ATP8B1: variants seen among roughly 807,000 people sequenced by gnomAD.
The protein encoded by ATP8B1 is ATPase phospholipid transporting 8B1, also known as phospholipid-transporting ATPase IC.
ATP8B1 carries 80 observed loss-of-function variants against 149.9 expected under a neutral mutation model. The observed-to-expected ratio is 0.53, with a 90% confidence interval of 0.45 to 0.64. The LOEUF is 0.64. ATP8B1 is among the 30% of genes least tolerant of loss of function. The pLI is 0.00. For missense variants in ATP8B1, 1,247 were observed against 1,552.6 expected (o/e 0.80, Z 3.31); for synonymous variants, 536 against 562.8 (o/e 0.95, Z 0.67).
intron 13 of ATP8B1, 85 bp from the exon 14 acceptor site, chr18:57,685,200 G>A (rs1391693770): frequency 1.4e-5 from 21 of 1,465,860 alleles, no homozygotes; most frequent in Non-Finnish European, 2.0e-5. Flanking sequence ...ATATAGTGAT[G>A]GTGGTAAGAC....
intron 16 of ATP8B1, among the ~76,000 whole-genome samples, chr18:57,671,845 C>T (rs1166053398): frequency 6.6e-6 from 1 of 152,090 alleles, no homozygotes; most frequent in Non-Finnish European, 1.5e-5. Context: ...TGGTCTTGAA[C>T]TCCTGGGCTC....
chr18:57,756,232 CACACATATAT>C (rs1568056196), intron 1 of ATP8B1, among the ~76,000 whole-genome samples: 2 of 104,328 alleles, frequency 1.9e-5, no homozygotes, highest in Non-Finnish European at 4.0e-5. Flanking sequence ...CACACACACA[CACACATATAT>C]ACACACACAC....
chr18:57,783,350 T>G (rs2080375217), intron 1 of ATP8B1, among the ~76,000 whole-genome samples: 1 of 152,224 alleles, frequency 6.6e-6, no homozygotes, highest in Admixed American at 6.5e-5. Context: ...TGTGGTCCTT[T>G]GAAACTGATG....
intron 21 of ATP8B1, among the ~76,000 whole-genome samples, 199 bp from the exon 22 acceptor site, chr18:57,661,661 ATGTG>A (rs375544953): frequency 9.8e-6 from 1 of 102,464 alleles, no homozygotes; most frequent in Non-Finnish European, 2.1e-5. Context: ...ACATATATGT[ATGTG>A]TGTATGTATA....
chr18:57,674,241 C>CAAAAA lies in ATP8B1; in HGVS notation c.1819+588_1819+592dup, dbSNP rs745500180. Among the ~76,000 whole-genome samples the CAAAAA allele has an allele frequency of 2.8e-4, 23 of 82,504 alleles. 1 individual carries two copies. Among genetic ancestry groups the CAAAAA allele is most frequent in the South Asian group, 1.1e-3 (2 of 1,894 alleles). The allele number at this position is 82,504 out of a possible 152,430, so 54.1% of individuals were successfully genotyped here. On this transcript the variant is annotated intron_variant, in intron 16 of 27. Transcript: ENST00000648908. ...TGGGTGACGGAGCAAGACTCCATCTCAAAAAAAAAAAAAAAAAGAAAAGAA... is the reference window on the plus strand; with the variant it reads ...TGGGTGACGGAGCAAGACTCCATCTCAAAAAAAAAAAAAAAAAAAAAAGAAAAGAA...
chr18:57,673,578 G>C (rs577269012), intron 16 of ATP8B1, among the ~76,000 whole-genome samples: 3 of 151,242 alleles, frequency 2.0e-5, no homozygotes, highest in Admixed American at 2.0e-4. Context: ...ACTCTCAAAT[G>C]GTTCAGAAAA....
chr18:57,728,282 C>G (rs573276071), intron 2 of ATP8B1, among the ~76,000 whole-genome samples: 1 of 152,182 alleles, frequency 6.6e-6, no homozygotes, highest in South Asian at 2.1e-4. Flanking sequence ...CGCAGGGTGA[C>G]TCATGTTCTG....
intron 1 of ATP8B1, among the ~76,000 whole-genome samples, chr18:57,767,201 C>T (rs2080218220): frequency 6.6e-6 from 1 of 152,184 alleles, no homozygotes; most frequent in Admixed American, 6.6e-5. Context: ...GTGAGCTCAT[C>T]AGCTCCGGGA....
chr18:57,663,239 C>A (rs1910605494), intron 20 of ATP8B1, among the ~76,000 whole-genome samples: 1 of 152,052 alleles, frequency 6.6e-6, no homozygotes, highest in Non-Finnish European at 1.5e-5. Flanking sequence ...CTTCAAGGTT[C>A]ATCTATATAA....
chr18:57,766,235 C>T (rs549441654), intron 1 of ATP8B1, among the ~76,000 whole-genome samples: 3 of 151,800 alleles, frequency 2.0e-5, no homozygotes, highest in Non-Finnish European at 4.4e-5. Flanking sequence ...AGTAAAGACA[C>T]GGTTTCACCA....
At chr18:57,753,122 G>GA (rs576748648) in intron 1 of ATP8B1, among the ~76,000 whole-genome samples, 6 of 151,576 alleles carry the variant, frequency 4.0e-5, no homozygotes, top group East Asian at 3.9e-4. Flanking sequence ...CCCGATTAAA[G>GA]AAAAAAAAGA....
At chr18:57,734,217 T>G (rs2079822070) in intron 1 of ATP8B1, 1 of 152,208 alleles carries the variant, frequency 6.6e-6, no homozygotes, top group Admixed American at 6.5e-5. Context: ...TGAGACAGAG[T>G]ATCGCTCTGT....
rs1367319500 is a variant in ATP8B1, at chr18:57,648,009, CAG to C, written c.*477_*478del. ...GCCTATTTTTAAATTTTTCTTAAGA[CAG>C]AGTCTTGCTCTGTCACCCAGGCTGG... On this transcript the variant is annotated 3_prime_UTR_variant, in exon 28 of 28. Coordinates refer to ENST00000648908, the MANE Select transcript of ATP8B1 (RefSeq NM_001374385.1). The C allele has an allele frequency of 3.7e-5, 9 of 240,192 alleles. No individual in the cohort carries two copies. Among genetic ancestry groups the C allele is most frequent in the African/African-American group, 6.9e-5 (3 of 43,462 alleles). The allele number at this position is 240,192 out of a possible 1,614,324, so 14.9% of individuals were successfully genotyped here. A position where few individuals can be genotyped will look rare whatever the true frequency, so the allele number is the denominator to read the frequency against.
At chr18:57,681,341 G>C (rs1386256238) in intron 15 of ATP8B1, among the ~76,000 whole-genome samples, 1 of 152,114 alleles carries the variant, frequency 6.6e-6, no homozygotes, top group Admixed American at 6.5e-5. Flanking sequence ...CGTGGAAAAA[G>C]ACACTGAGCT....
intron 1 of ATP8B1, among the ~76,000 whole-genome samples, chr18:57,761,025 CATAAA>C (rs1456448718): frequency 1.0e-5 from 1 of 97,528 alleles, no homozygotes; most frequent in Admixed American, 9.1e-5. Context: ...CATAAAATAA[CATAAA>C]ATAAAATAAA....
chr18:57,755,697 AACTTTTAACTGTTTAAAAAGCGGTT>A (rs1204699697), intron 1 of ATP8B1, among the ~76,000 whole-genome samples: 1 of 152,200 alleles, frequency 6.6e-6, no homozygotes, highest in Non-Finnish European at 1.5e-5. Context: ...GGGAGCTTTT[AACTTTTAACTGTTTAAAAAGCGGTT>A]AGAGGTGATC....
At chr18:57,743,262 A>G (rs571778339) in intron 1 of ATP8B1, among the ~76,000 whole-genome samples, 1 of 152,224 alleles carries the variant, frequency 6.6e-6, no homozygotes, top group Non-Finnish European at 1.5e-5. Context: ...CAGTGAACGC[A>G]TCGTAGATTC....
In ATP8B1 at chr18:57,802,673, C is replaced by T. The variant is rs1407327406; in HGVS notation, c.-26+325G>A. 6.6e-6 allele frequency among the ~76,000 whole-genome samples: 1 copy of T among 152,258 alleles called. No individual in the cohort carries two copies. The highest frequency in any genetic ancestry group is 2.4e-5 in the African/African-American group (1 of 41,474). On this transcript the variant is annotated intron_variant, in intron 1 of 27. Transcript: ENST00000648908. The surrounding 1 kb of genome is among the most constrained non-coding windows in gnomAD (Gnocchi z 4.9). ...GCCGCAAGCCCTACCTGGCTTAACCCCCGGACATGTGTGTCGCTACCGATC... is the reference window on the plus strand; with the variant it reads ...GCCGCAAGCCCTACCTGGCTTAACCTCCGGACATGTGTGTCGCTACCGATC...
chr18:57,736,229 CTTAG>C lies in ATP8B1; in HGVS notation c.-25-4401_-25-4398del, dbSNP rs1240066713. On this transcript the variant is annotated intron_variant, in intron 1 of 27. Coordinates refer to ENST00000648908, the MANE Select transcript of ATP8B1 (RefSeq NM_001374385.1). ...CCTTGTATATTTCTGGATACTAGTC[CTTAG>C]TTAGATGAATGGTTTGCAAATATTT... 2.6e-5 allele frequency among the ~76,000 whole-genome samples: 4 copies of C among 152,084 alleles called. No homozygotes were observed. The East Asian group carries it at 7.7e-4, about 29-fold the overall frequency.
Sources: allele counts gnomAD v4.1 joint callset (sites outside exome capture counted in the v4.1 genomes callset), GRCh38; gene constraint gnomAD v4.1.1; non-coding constraint Gnocchi (gnomAD v3.1); transcripts MANE v1.5; gene names NCBI Gene and HGNC (gene_info 2026-07-23, HGNC 2026-07-21).